UAP1: variants seen among roughly 807,000 people sequenced by gnomAD.
The protein encoded by UAP1 is UDP-N-acetylglucosamine pyrophosphorylase 1, also known as UDP-N-acetylhexosamine pyrophosphorylase.
In UAP1, 25 loss-of-function variants were observed where a neutral mutation model predicts 58.5. That is an observed-to-expected ratio of 0.43 (90% CI 0.31 to 0.60). The LOEUF is 0.60. Ranked by LOEUF, UAP1 falls within the 20% of genes least tolerant of loss-of-function variation. UAP1 has a pLI of 0.11. For synonymous variants in UAP1, 208 were observed against 213.0 expected (o/e 0.98, Z 0.21); for missense variants, 575 against 630.0 (o/e 0.91, Z 0.93).
At chr1:162,599,419 C>A in exon 11 of UAP1, 2 of 1,132,502 alleles carry the variant, frequency 1.8e-6, no homozygotes, top group Non-Finnish European at 2.6e-6. Flanking sequence ...TTTGATAGAC[C>A]AACTGTGAAC....
At chr1:162,589,187 ATATAT>A (rs1414484011) in intron 7 of UAP1, among the ~76,000 whole-genome samples, 1 of 68,504 alleles carries the variant, frequency 1.5e-5, no homozygotes, top group Non-Finnish European at 2.8e-5. Context: ...TATATATAAT[ATATAT>A]TATATATTAT....
At position 162,599,339 on chromosome 1, in the gene UAP1, T is replaced by C. The variant is rs147708415; in HGVS notation, c.1545T>C (p.His515=). The C allele has an allele frequency of 2.4e-3, 3,811 of 1,611,574 alleles. 11 individuals carry two copies. The highest frequency in any genetic ancestry group is 2.8e-3 in the Non-Finnish European group (3,333 of 1,179,324). ...TAATCATCGATGAGAATGGAGTTCA[T>C]GAGCTGGTGAAAAATGGTATTTGAA... Residue 515 remains histidine, a synonymous_variant, in exon 11 of 11, where the codon CAT becomes CAC. Transcript: ENST00000271469.
exon 4 of UAP1, chr1:162,579,581 G>C: frequency 6.3e-7 from 1 of 1,596,066 alleles, no homozygotes; most frequent in Non-Finnish European, 8.5e-7. Context: ...TGGAAGAGAA[G>C]AACAAAGTTT....
intron 7 of UAP1, among the ~76,000 whole-genome samples, chr1:162,589,035 C>CT (rs1250512195): frequency 4.1e-4 from 52 of 126,978 alleles, no homozygotes; most frequent in African/African-American, 5.0e-4. Context: ...ATGAGTACAA[C>CT]TTTTTTTTTT....
At chr1:162,593,883 T>A (rs1655473159) in intron 9 of UAP1, 2 of 152,264 alleles carry the variant, frequency 1.3e-5, no homozygotes, top group Admixed American at 6.5e-5. Context: ...TGCTTTTTCC[T>A]GTCTGTGCCA....
chr1:162,566,590 C>T (rs1267291474), intron 2 of UAP1, among the ~76,000 whole-genome samples: 1 of 151,982 alleles, frequency 6.6e-6, no homozygotes, highest in Non-Finnish European at 1.5e-5. Flanking sequence ...GATTTCTTTT[C>T]CTGAAGCACA....
chr1:162,565,295 A>T (rs530180611), intron 1 of UAP1, among the ~76,000 whole-genome samples: 19 of 152,250 alleles, frequency 1.2e-4, no homozygotes, highest in African/African-American at 4.3e-4. Flanking sequence ...ATTTTTTAGC[A>T]CTATGAAGTT....
At chr1:162,584,624 A>G (rs961431903) in intron 5 of UAP1, among the ~76,000 whole-genome samples, 3 of 152,074 alleles carry the variant, frequency 2.0e-5, no homozygotes, top group African/African-American at 7.2e-5. Flanking sequence ...CTGAGACTAC[A>G]GGCACCCAGC....
chr1:162,593,684 G>A (rs1443462334), intron 9 of UAP1: 1 of 151,664 alleles, frequency 6.6e-6, no homozygotes, highest in East Asian at 1.9e-4. Context: ...GGAGGCAGAG[G>A]TTGCAGTGAG....
chr1:162,585,440 T>G (rs1557974821), intron 5 of UAP1, among the ~76,000 whole-genome samples: 3 of 151,240 alleles, frequency 2.0e-5, no homozygotes, highest in Admixed American at 1.3e-4. Flanking sequence ...TTTTTAATTT[T>G]CAGTAGAGAT....
rs75383932 is a variant in UAP1 at position 162,577,320 on chromosome 1, G to A, written c.485+339G>A. ...TGCGCCTCTTCCGCATACACACCAG[G>A]TGAAAGCTGCACTGACTTCTGTGCT... On this transcript the variant is annotated intron_variant, in intron 3 of 10. Coordinates refer to ENST00000271469, the Ensembl canonical transcript of UAP1. Among the ~76,000 whole-genome samples the A allele has an allele frequency of 6.9e-4, 105 of 151,582 alleles. 1 individual carries two copies. In the East Asian group the frequency reaches 0.019, roughly 28 times the overall value.
At chr1:162,589,185 ATATATAT>A (rs1457907188) in intron 7 of UAP1, among the ~76,000 whole-genome samples, 2 of 81,030 alleles carry the variant, frequency 2.5e-5, no homozygotes, top group South Asian at 3.3e-4. Flanking sequence ...ATTATATATA[ATATATAT>A]TATATATTAT....
At chr1:162,574,357 T>C (rs1362861186) in intron 2 of UAP1, among the ~76,000 whole-genome samples, 1 of 152,158 alleles carries the variant, frequency 6.6e-6, no homozygotes, top group Non-Finnish European at 1.5e-5. Context: ...CCTTCCAAAG[T>C]GTTGAGATTA....
At chr1:162,566,261 G>A in exon 2 of UAP1, 1 of 1,614,168 alleles carries the variant, frequency 6.2e-7, no homozygotes, top group Non-Finnish European at 8.5e-7. Context: ...CCAAAAGAAT[G>A]TGGATGCACG....
intron 6 of UAP1, 28 bp downstream of exon 6, chr1:162,587,696 A>T (rs764541650): frequency 6.3e-7 from 1 of 1,591,328 alleles, no homozygotes; most frequent in East Asian, 2.2e-5. Flanking sequence ...GCCTTTTAAA[A>T]TTATATTTAT....
At chr1:162,565,811 A>G (rs905167225) in intron 1 of UAP1, among the ~76,000 whole-genome samples, 2 of 152,196 alleles carry the variant, frequency 1.3e-5, no homozygotes, top group African/African-American at 4.8e-5. Context: ...ATTAAACAAG[A>G]CCATGAAGGT....
At chr1:162,562,105 A>C (rs958931437) in intron 1 of UAP1, among the ~76,000 whole-genome samples, 1 of 152,152 alleles carries the variant, frequency 6.6e-6, no homozygotes, top group Admixed American at 6.5e-5. Context: ...GGTCTGGGCC[A>C]GTGTCTGAGT....
chr1:162,595,200 C>A (rs1323433656), intron 9 of UAP1, among the ~76,000 whole-genome samples: 1 of 152,160 alleles, frequency 6.6e-6, no homozygotes, highest in Non-Finnish European at 1.5e-5. Context: ...TTCCCTCCTT[C>A]AGGGCATCCA....
At position 162,575,303 on chromosome 1, in the gene UAP1, G is replaced by A. The variant is rs139847920; in HGVS notation, c.281-1474G>A. Among the ~76,000 whole-genome samples, 304 of 151,896 alleles carry A rather than the reference G, an allele frequency of 2.0e-3. 6 individuals carry two copies. The East Asian group carries it at 0.049, about 25-fold the overall frequency. On this transcript the variant is annotated intron_variant, in intron 2 of 10. Transcript: ENST00000271469. The stretch of plus-strand genomic sequence containing the variant: ...AGGCTGGTCTTGAACTCCTGACCTC[G>A]GGTAATCCTCCCGCCTTGGCCTTCC...
Sources: allele counts gnomAD v4.1 joint callset (sites outside exome capture counted in the v4.1 genomes callset), GRCh38; gene constraint gnomAD v4.1.1; transcripts MANE v1.5; gene names NCBI Gene and HGNC (gene_info 2026-07-23, HGNC 2026-07-21).